Variants in TAOK1 observed in about 807,000 individuals in gnomAD.
TAOK1 encodes the protein serine/threonine-protein kinase TAO1.
In TAOK1, 21 loss-of-function variants were observed where a neutral mutation model predicts 138.3. That is an observed-to-expected ratio of 0.15 (90% CI 0.11 to 0.22). The LOEUF (loss-of-function observed/expected upper bound fraction) is 0.22, where lower values mean the gene tolerates loss of function less well. TAOK1 is among the 10% of genes least tolerant of loss of function. The pLI, the probability that TAOK1 is intolerant of heterozygous loss-of-function variation, is 1.00. For synonymous variants in TAOK1, 361 were observed against 398.4 expected (o/e 0.91, Z 1.12); for missense variants, 651 against 1,227.7 (o/e 0.53, Z 7.02).
At chr17:29,501,173 C>A (rs1210612222) in intron 12 of TAOK1, among the ~76,000 whole-genome samples, 5 of 148,636 alleles carry the variant, frequency 3.4e-5, no homozygotes, top group Non-Finnish European at 7.4e-5. Context: ...TCACTTGAGG[C>A]CAGGAGTTCA....
chr17:29,466,992 T>G (rs142656918), intron 2 of TAOK1, among the ~76,000 whole-genome samples, 153 bp from the exon 3 acceptor site: 5 of 152,316 alleles, frequency 3.3e-5, no homozygotes, highest in Non-Finnish European at 5.9e-5. Flanking sequence ...TAAGTATTGC[T>G]GTATAGTGTT....
intron 14 of TAOK1, 52 bp from the exon 15 acceptor site, chr17:29,510,812 C>G: frequency 1.5e-6 from 2 of 1,358,854 alleles, no homozygotes; most frequent in Non-Finnish European, 2.0e-6. Flanking sequence ...TATATTAAAC[C>G]ACTACTTTAT....
chr17:29,496,959 G>A (rs952646114), intron 11 of TAOK1, among the ~76,000 whole-genome samples: 1 of 152,070 alleles, frequency 6.6e-6, no homozygotes, highest in South Asian at 2.1e-4. Flanking sequence ...CTCACTGTAG[G>A]TAGAGGAACA....
At chr17:29,539,935 A>C (rs2032288231) in intron 19 of TAOK1, among the ~76,000 whole-genome samples, 1 of 152,220 alleles carries the variant, frequency 6.6e-6, no homozygotes, top group Non-Finnish European at 1.5e-5. Context: ...AGATTTATAA[A>C]GTATAGCAGA....
At chr17:29,416,989 T>G (rs1905278984) in intron 1 of TAOK1, among the ~76,000 whole-genome samples, 1 of 152,136 alleles carries the variant, frequency 6.6e-6, no homozygotes, top group Non-Finnish European at 1.5e-5. Flanking sequence ...TGAATTATCC[T>G]TATTTTAGTT....
At chr17:29,425,594 G>C (rs1045498907) in intron 1 of TAOK1, among the ~76,000 whole-genome samples, 2 of 152,146 alleles carry the variant, frequency 1.3e-5, no homozygotes, top group African/African-American at 4.8e-5. Context: ...TAGGAGGATG[G>C]CTTGAGCCTG....
rs2032463007 is a variant in TAOK1, at chr17:29,549,951, A to G, written c.*6929A>G. The G allele has an allele frequency of 6.6e-6, 1 of 152,196 alleles. No homozygotes were observed. The highest frequency in any genetic ancestry group is 2.1e-4 in the South Asian group (1 of 4,832). 9.4% of individuals were successfully genotyped at this position (152,196 alleles called of 1,614,324 possible). A position where few individuals can be genotyped will look rare whatever the true frequency, so the allele number is the denominator to read the frequency against. ...CCCTCCAATTAATTACATGTGTCCAAGAATAATCCAAGCTAGAGACACAAG... is the reference window on the plus strand; with the variant it reads ...CCCTCCAATTAATTACATGTGTCCAGGAATAATCCAAGCTAGAGACACAAG... On this transcript the variant is annotated 3_prime_UTR_variant, in exon 20 of 20. Transcript: ENST00000261716.
intron 1 of TAOK1, among the ~76,000 whole-genome samples, chr17:29,417,027 GT>G (rs895925427): frequency 2.0e-5 from 3 of 151,312 alleles, no homozygotes; most frequent in Non-Finnish European, 4.4e-5. Flanking sequence ...TGTTGTTGTT[GT>G]TTTGAGATGG....
At chr17:29,459,937 A>G (rs148328348) in intron 2 of TAOK1, among the ~76,000 whole-genome samples, 416 of 152,232 alleles carry the variant, frequency 2.7e-3, no homozygotes, top group African/African-American at 9.8e-3. Flanking sequence ...TGGGCTTTTC[A>G]TATATCCTTC....
chr17:29,499,883 A>G (rs930282069), intron 12 of TAOK1, among the ~76,000 whole-genome samples: 13 of 152,124 alleles, frequency 8.5e-5, no homozygotes, highest in Non-Finnish European at 1.8e-4. Context: ...ATAAAGCTGA[A>G]TGTAATTGTA....
intron 1 of TAOK1, among the ~76,000 whole-genome samples, chr17:29,394,319 C>T (rs1332498188): frequency 6.6e-6 from 1 of 151,888 alleles, no homozygotes; most frequent in Non-Finnish European, 1.5e-5. Context: ...GCGCCTGCCA[C>T]CAAGCCCAGC....
chr17:29,470,162 G>T (rs2030779697), intron 3 of TAOK1, among the ~76,000 whole-genome samples: 1 of 152,130 alleles, frequency 6.6e-6, no homozygotes, highest in African/African-American at 2.4e-5. Flanking sequence ...TGGACCAAAG[G>T]ATCTGTATTT....
intron 1 of TAOK1, among the ~76,000 whole-genome samples, chr17:29,447,054 T>A (rs1567720772): frequency 6.6e-6 from 1 of 150,750 alleles, no homozygotes; most frequent in African/African-American, 2.4e-5. Context: ...TTTTTTTTTT[T>A]AAGGGAAGAG....
intron 9 of TAOK1, among the ~76,000 whole-genome samples, chr17:29,491,321 A>G (rs1405455421): frequency 4.6e-5 from 7 of 152,206 alleles, no homozygotes; most frequent in Non-Finnish European, 8.8e-5. Flanking sequence ...CAGGGGCACC[A>G]AATACTCAGG....
In TAOK1 at chr17:29,453,096, C is replaced by T. The variant is rs138928829; in HGVS notation, c.132+1416C>T. On this transcript the variant is annotated intron_variant, in intron 2 of 19. Transcript: ENST00000261716. ...TCTTTGTTCTATGTCTATGGATTTG[C>T]CTATTCTGGATACTTCATAAAAAAG... 1.1e-3 allele frequency among the ~76,000 whole-genome samples: 169 copies of T among 151,832 alleles called. 5 individuals carry two copies. In the East Asian group the frequency reaches 0.03, roughly 27 times the overall value.
intron 4 of TAOK1, among the ~76,000 whole-genome samples, chr17:29,477,175 A>G (rs2030962776): frequency 6.6e-6 from 1 of 152,120 alleles, no homozygotes; most frequent in South Asian, 2.1e-4. Flanking sequence ...TATTTTTGAT[A>G]TATAGTTGGT....
At chr17:29,476,224 T>G (rs548187475) in intron 4 of TAOK1, among the ~76,000 whole-genome samples, 2 of 152,360 alleles carry the variant, frequency 1.3e-5, no homozygotes, top group African/African-American at 4.8e-5. Context: ...TTGTTGCACT[T>G]TATTATAAGA....
intron 17 of TAOK1, among the ~76,000 whole-genome samples, chr17:29,529,130 C>T (rs1158198914): frequency 6.6e-6 from 1 of 151,938 alleles, no homozygotes; most frequent in African/African-American, 2.4e-5. Context: ...CATCATTATG[C>T]CTGGCTAATT....
At chr17:29,426,507 T>TG (rs1905646635) in intron 1 of TAOK1, among the ~76,000 whole-genome samples, 1 of 152,084 alleles carries the variant, frequency 6.6e-6, no homozygotes. Context: ...CATTCTGAGA[T>TG]GCAGTAAAAG....
Sources: gnomAD v4.1 joint callset for allele counts (sites outside exome capture counted in the v4.1 genomes callset) on GRCh38, gnomAD v4.1.1 for gene constraint, MANE v1.5 for transcripts, NCBI Gene and HGNC (gene_info 2026-07-23, HGNC 2026-07-21) for gene names.